Variants in TOR1A observed in about 807,000 individuals in gnomAD.
TOR1A encodes the protein torsin family 1 member A.
TOR1A carries 18 observed loss-of-function variants against 31.4 expected under a neutral mutation model. The observed-to-expected ratio is 0.57, with a 90% CI of 0.40 to 0.85. The LOEUF is 0.85. Ranked by LOEUF, TOR1A falls within the 40% of genes least tolerant of loss-of-function variation. TOR1A has a pLI of 0.00. For synonymous variants in TOR1A, 168 were observed against 165.9 expected (o/e 1.01, Z -0.10); for missense variants, 375 against 416.4 (o/e 0.90, Z 0.87).
intron 1 of TOR1A, chr9:129,823,157 G>A (rs1018631427): frequency 1.3e-5 from 6 of 445,788 alleles, no homozygotes; most frequent in Non-Finnish European, 1.7e-5. Flanking sequence ...GGCAGAGCCG[G>A]GAAAGGAAAC....
intron 2 of TOR1A, among the ~76,000 whole-genome samples, chr9:129,820,923 C>T (rs1346414397): frequency 3.3e-5 from 5 of 152,050 alleles, no homozygotes; most frequent in Admixed American, 2.6e-4. Context: ...AGTACAGAAC[C>T]GCTGGACAGT....
At chr9:129,821,650 C>CT (rs1325719779) in intron 2 of TOR1A, 5 of 151,410 alleles carry the variant, frequency 3.3e-5, no homozygotes, top group Admixed American at 3.3e-4. Context: ...TCCTAGCACT[C>CT]TGGGAGGCTG....
intron 2 of TOR1A, 114 bp from the exon 3 acceptor site, chr9:129,819,034 A>G (rs2031115845): frequency 1.6e-6 from 2 of 1,243,448 alleles, no homozygotes; most frequent in Non-Finnish European, 2.3e-6. Flanking sequence ...ACTCGGCACT[A>G]AGAACTTTAC....
rs374856858 is a variant in TOR1A, at chr9:129,817,655, C to T, written c.748+865G>A. Among the ~76,000 whole-genome samples, 26 of 148,556 alleles carry T rather than the reference C, an allele frequency of 1.8e-4. 1 individual carries two copies. In the East Asian group the frequency reaches 1.8e-3, roughly 10 times the overall value. On this transcript the variant is annotated intron_variant, in intron 4 of 4. Transcript: ENST00000351698. ...CAGAGCTTGCAGTGAGCCGAGATCG[C>T]GCCACTGCACTCCAGCCTGGGCAAC... is the stretch of plus-strand genomic sequence containing the variant.
At position 129,823,889 on chromosome 9, in the gene TOR1A, A is replaced by ACCCC; in HGVS notation, c.178+18_178+19insGGGG. 8.8e-7 allele frequency: 1 copy of ACCCC among 1,134,144 alleles called. No homozygotes were observed. The allele number at this position is 1,134,144 out of a possible 1,614,324, so 70.3% of individuals were successfully genotyped here. On this transcript the variant is annotated intron_variant, in intron 1 of 4. Transcript: ENST00000351698. Reference sequence around the variant, plus strand: ...AGCCCCAGCCCCAGCCCCAGCCTCCAGCCCCCGCCCCAGCCTACCCTCCCG... The same window carrying ACCCC: ...AGCCCCAGCCCCAGCCCCAGCCTCCACCCCGCCCCCGCCCCAGCCTACCCTCCCG...
intron 4 of TOR1A, among the ~76,000 whole-genome samples, chr9:129,816,326 C>A (rs1320760843): frequency 2.6e-5 from 4 of 152,142 alleles, no homozygotes; most frequent in Non-Finnish European, 4.4e-5. Context: ...TTACCCTGAA[C>A]CCCAAAGCCT....
intron 3 of TOR1A, 34 bp downstream of exon 3, chr9:129,818,711 G>C: frequency 6.2e-7 from 1 of 1,613,846 alleles, no homozygotes; most frequent in Non-Finnish European, 8.5e-7. Flanking sequence ...CTTGGGCTCG[G>C]GGCCCATCCA....
intron 2 of TOR1A, 108 bp from the exon 3 acceptor site, chr9:129,819,028 G>A (rs563270865): frequency 3.0e-5 from 38 of 1,288,010 alleles, no homozygotes; most frequent in Middle Eastern, 4.6e-4. Flanking sequence ...CTGTGCACTC[G>A]GCACTAAGAA....
intron 2 of TOR1A, among the ~76,000 whole-genome samples, chr9:129,821,099 T>G (rs2031174746): frequency 6.6e-6 from 1 of 152,172 alleles, no homozygotes; most frequent in Non-Finnish European, 1.5e-5. Flanking sequence ...GGTCAGGAGT[T>G]TGAGACCAGC....
intron 4 of TOR1A, among the ~76,000 whole-genome samples, chr9:129,818,122 A>G (rs1469654677): frequency 6.6e-6 from 1 of 152,174 alleles, no homozygotes; most frequent in Non-Finnish European, 1.5e-5. Context: ...CCTGGCCAAC[A>G]TGACAAAACC....
chr9:129,817,807 C>A (rs1291760615), intron 4 of TOR1A, among the ~76,000 whole-genome samples: 2 of 138,890 alleles, frequency 1.4e-5, no homozygotes, highest in Non-Finnish European at 3.0e-5. Context: ...TCAAGACCAG[C>A]CTGGGAAACA....
At chr9:129,817,592 G>A (rs1440237918) in intron 4 of TOR1A, among the ~76,000 whole-genome samples, 2 of 151,648 alleles carry the variant, frequency 1.3e-5, no homozygotes, top group African/African-American at 2.4e-5. Context: ...CCAGCTACTC[G>A]GCAGGCTGAG....
At chr9:129,815,085 A>G (rs1479463139) in intron 4 of TOR1A, among the ~76,000 whole-genome samples, 1 of 152,186 alleles carries the variant, frequency 6.6e-6, no homozygotes, top group African/African-American at 2.4e-5. Flanking sequence ...GACACAGCAC[A>G]CACTGCGTCG....
intron 4 of TOR1A, among the ~76,000 whole-genome samples, chr9:129,816,434 CACAA>C (rs1180098292): frequency 6.6e-6 from 1 of 152,206 alleles, no homozygotes; most frequent in African/African-American, 2.4e-5. Context: ...CATGTATACA[CACAA>C]ACACATCACA....
intron 4 of TOR1A, among the ~76,000 whole-genome samples, chr9:129,817,838 CAAAAA>C (rs760010551): frequency 2.2e-5 from 1 of 45,736 alleles, no homozygotes. Context: ...CAGTCTCTAC[CAAAAA>C]AAAAAAAAAA....
intron 2 of TOR1A, chr9:129,822,159 G>A (rs978875190): frequency 3.3e-5 from 10 of 299,020 alleles, no homozygotes; most frequent in South Asian, 8.7e-5. Context: ...CCAGCTACCC[G>A]GGAGGCTGAG....
chr9:129,818,621 T>C lies in TOR1A; in HGVS notation c.647A>G (p.Asp216Gly). The C allele has an allele frequency of 6.2e-7, 1 of 1,614,232 alleles. No individual in the cohort carries two copies. Among genetic ancestry groups the C allele is most frequent in the Non-Finnish European group, 8.5e-7 (1 of 1,180,044 alleles). ...LSNAGAERIT[D>G]VALDFWRSGK... Reference sequence around the variant, plus strand: ...ACTCCTCCAGAAATCCAAAGCCACATCTGTGATCCTTTCTGCTCCAGCATT... The same window carrying C: ...ACTCCTCCAGAAATCCAAAGCCACACCTGTGATCCTTTCTGCTCCAGCATT... The change falls in exon 4 of 5, where the codon GAT becomes GGT. Residue 216 changes from aspartate to glycine, a missense_variant. By Grantham distance (94) the Asp-to-Gly change is moderately conservative. Coordinates refer to ENST00000351698, the MANE Select transcript of TOR1A (RefSeq NM_000113.3).
In TOR1A at chr9:129,824,089, C is replaced by T; in HGVS notation, c.-4G>A. 6.4e-7 allele frequency: 1 copy of T among 1,569,106 alleles called. No individual in the cohort carries two copies. Among genetic ancestry groups the T allele is most frequent in the Non-Finnish European group, 8.6e-7 (1 of 1,161,992 alleles). On this transcript the variant is annotated 5_prime_UTR_variant, in exon 1 of 5. Transcript: ENST00000351698. The stretch of plus-strand genomic sequence containing the variant: ...GCACGGCCCGGCCCAGCTTCATGCC[C>T]GGACCCGCGCCACCCTGCTTGTTCT...
Position 129,813,863 on chromosome 9 carries a change from T to G in TOR1A, c.*109A>C. 6.8e-7 allele frequency: 1 copy of G among 1,476,158 alleles called. No homozygotes were observed. Among genetic ancestry groups the G allele is most frequent in the South Asian group, 1.1e-5 (1 of 87,266 alleles). 91.4% of individuals were successfully genotyped at this position (1,476,158 alleles called of 1,614,324 possible). A position where few individuals can be genotyped will look rare whatever the true frequency, so the allele number is the denominator to read the frequency against. ...TTCCTGTCACATCAAACAGGAACAT[T>G]CACTGGATTCCTCTTCCAGGGAAAG... On this transcript the variant is annotated 3_prime_UTR_variant, in exon 5 of 5. Coordinates refer to ENST00000351698, the MANE Select transcript of TOR1A (RefSeq NM_000113.3).
Sources: allele counts gnomAD v4.1 joint callset (sites outside exome capture counted in the v4.1 genomes callset), GRCh38; gene constraint gnomAD v4.1.1; transcripts MANE v1.5; gene names NCBI Gene and HGNC (gene_info 2026-07-23, HGNC 2026-07-21).